USH2A: variants seen among roughly 807,000 people sequenced by gnomAD.
The protein encoded by USH2A is usherin.
Under a neutral mutation model 538.9 loss-of-function variants are expected in USH2A, and 443 were observed. The ratio of observed to expected loss-of-function variants is 0.82; its 90% CI spans 0.76 to 0.89. The LOEUF is 0.89. Ranked by LOEUF, USH2A falls within the 40% of genes least tolerant of loss-of-function variation. The probability of loss-of-function intolerance (pLI) is 0.00; values close to 1 mark genes in which losing one functional copy is unlikely to be tolerated. For missense variants in USH2A, 6,633 were observed against 6,324.8 expected (o/e 1.05, Z -1.65); for synonymous variants, 2,413 against 2,273.5 (o/e 1.06, Z -1.75).
At chr1:215,663,279 G>A (rs1422071521) in intron 64 of USH2A, among the ~76,000 whole-genome samples, 7 of 152,148 alleles carry the variant, frequency 4.6e-5, no homozygotes, top group Non-Finnish European at 1.0e-4. Context: ...ATGGGGGCAT[G>A]GACCTACTAA....
intron 58 of USH2A, 141 bp downstream of exon 58, chr1:215,758,454 G>A: frequency 1.0e-6 from 1 of 1,002,162 alleles, no homozygotes; most frequent in Non-Finnish European, 1.5e-6. Flanking sequence ...TAGAAGTGTG[G>A]TTTAGATTTT....
chr1:216,259,389 A>G (rs2036321841), intron 11 of USH2A, among the ~76,000 whole-genome samples: 1 of 152,152 alleles, frequency 6.6e-6, no homozygotes, highest in East Asian at 1.9e-4. Flanking sequence ...TTGAAATGGA[A>G]TATTTCATCT....
At chr1:215,954,037 T>C (rs1030326665) in intron 37 of USH2A, among the ~76,000 whole-genome samples, 2 of 152,146 alleles carry the variant, frequency 1.3e-5, no homozygotes, top group Admixed American at 6.5e-5. Flanking sequence ...CCAGTTAGGA[T>C]GGCAATCATT....
chr1:216,404,619 T>TC (rs1491461903), intron 3 of USH2A, among the ~76,000 whole-genome samples: 19 of 3,838 alleles, frequency 5.0e-3, no homozygotes, highest in African/African-American at 8.3e-3. Flanking sequence ...AAACATAGGC[T>TC]TTTTTTTTTT....
rs150829385 is a variant in USH2A, at chr1:215,897,583, G to A, written c.7594+2492C>T. On this transcript the variant is annotated intron_variant, in intron 40 of 71. Coordinates refer to ENST00000307340, the MANE Select transcript of USH2A (RefSeq NM_206933.4). ...GGGCATCTGTAATCCCAGCTACTTGGGAGGCTAAGGCAGAAGAATTGCTTG... is the reference window on the plus strand; with the variant it reads ...GGGCATCTGTAATCCCAGCTACTTGAGAGGCTAAGGCAGAAGAATTGCTTG... Among the ~76,000 whole-genome samples, 1,057 of 152,094 alleles carry A rather than the reference G, an allele frequency of 6.9e-3. 6 individuals carry two copies. Among genetic ancestry groups the A allele is most frequent in the African/African-American group, 0.024 (989 of 41,482 alleles).
At chr1:216,409,426 A>G (rs897718870) in intron 3 of USH2A, among the ~76,000 whole-genome samples, 1 of 152,186 alleles carries the variant, frequency 6.6e-6, no homozygotes, top group African/African-American at 2.4e-5. Flanking sequence ...ATAGACAGAG[A>G]ATCCTACACA....
intron 34 of USH2A, among the ~76,000 whole-genome samples, chr1:215,998,040 T>C (rs1469993714): frequency 6.6e-6 from 1 of 152,114 alleles, no homozygotes; most frequent in East Asian, 1.9e-4. Context: ...TTAAGTAAAA[T>C]GAATGCATAC....
At chr1:216,378,064 G>A (rs2102729503) in intron 3 of USH2A, among the ~76,000 whole-genome samples, 1 of 152,148 alleles carries the variant, frequency 6.6e-6, no homozygotes, top group East Asian at 1.9e-4. Flanking sequence ...GCCTCAGAAG[G>A]TGAAGTCCAG....
rs75785327 is a variant in USH2A at position 215,819,767 on chromosome 1, C to T, written c.9372-2572G>A. 2.7e-3 allele frequency among the ~76,000 whole-genome samples: 415 copies of T among 151,806 alleles called. 5 individuals are homozygous for T. The highest frequency in any genetic ancestry group is 0.018 in the South Asian group (87 of 4,826). ...TGTGCAACATAACTGTTAAGTGAGACCGCCTATATTTTCGGCAAGAACATG... is the reference window on the plus strand; with the variant it reads ...TGTGCAACATAACTGTTAAGTGAGATCGCCTATATTTTCGGCAAGAACATG... On this transcript the variant is annotated intron_variant, in intron 47 of 71. Coordinates refer to ENST00000307340, the MANE Select transcript of USH2A (RefSeq NM_206933.4).
intron 4 of USH2A, among the ~76,000 whole-genome samples, chr1:216,362,681 G>C (rs953713426): frequency 2.6e-5 from 4 of 151,752 alleles, no homozygotes; most frequent in Non-Finnish European, 5.9e-5. Flanking sequence ...GGTGGCTCAC[G>C]CCTGTAATCC....
chr1:215,991,757 T>C (rs538590186), intron 35 of USH2A, among the ~76,000 whole-genome samples: 1 of 152,344 alleles, frequency 6.6e-6, no homozygotes, highest in East Asian at 1.9e-4. Flanking sequence ...GCAATTGTAG[T>C]TCTAGTTGTA....
intron 32 of USH2A, among the ~76,000 whole-genome samples, chr1:216,037,353 G>A (rs1452416188): frequency 6.6e-6 from 1 of 152,104 alleles, no homozygotes; most frequent in Non-Finnish European, 1.5e-5. Context: ...ATTAGCAGAT[G>A]TTATTGTTTT....
chr1:215,776,417 G>A (rs1558092934), intron 55 of USH2A, among the ~76,000 whole-genome samples: 1 of 152,162 alleles, frequency 6.6e-6, no homozygotes, highest in South Asian at 2.1e-4. Flanking sequence ...GCAATTTATG[G>A]ATTTCACATG....
chr1:216,012,593 C>T (rs1476263257), intron 32 of USH2A, among the ~76,000 whole-genome samples: 4 of 152,106 alleles, frequency 2.6e-5, no homozygotes, highest in African/African-American at 9.7e-5. Context: ...CCAAATCAGC[C>T]AAGCAGTTTT....
At position 216,293,214 on chromosome 1, in the gene USH2A, C is replaced by T. The variant is rs1484262365; in HGVS notation, c.1645-844G>A. 2.6e-5 allele frequency among the ~76,000 whole-genome samples: 4 copies of T among 151,922 alleles called. No homozygotes were observed. The South Asian group carries it at 6.2e-4, about 24-fold the overall frequency. ...TAATTTTTTGTATTTTTAGTAGAGA[C>T]GGGGTTTCACCCTGTTAGCCAGCAT... On this transcript the variant is annotated intron_variant, in intron 9 of 71. Coordinates refer to ENST00000307340, the MANE Select transcript of USH2A (RefSeq NM_206933.4).
At chr1:216,078,661 A>C (rs1017652903) in intron 26 of USH2A, among the ~76,000 whole-genome samples, 6 of 152,170 alleles carry the variant, frequency 3.9e-5, no homozygotes, top group African/African-American at 1.4e-4. Flanking sequence ...CATAGTTAGA[A>C]GATTAAACCC....
chr1:216,086,923 T>C lies in USH2A; in HGVS notation c.4886-103A>G, dbSNP rs902028296. On this transcript the variant is annotated intron_variant, in intron 23 of 71. Transcript: ENST00000307340. ...CACCAGCCTTTGGGATACCACTCTCTTGGTTTTCCTCTCTCCTCATTGCCT... is the reference window on the plus strand; with the variant it reads ...CACCAGCCTTTGGGATACCACTCTCCTGGTTTTCCTCTCTCCTCATTGCCT... The C allele has an allele frequency of 5.9e-6, 5 of 845,290 alleles. No individual in the cohort carries two copies. The African/African-American group carries it at 6.7e-5, about 11-fold the overall frequency. The allele number at this position is 845,290 out of a possible 1,614,324, so 52.4% of individuals were successfully genotyped here. A position where few individuals can be genotyped will look rare whatever the true frequency, so the allele number is the denominator to read the frequency against.
At chr1:216,407,059 T>C (rs988859768) in intron 3 of USH2A, among the ~76,000 whole-genome samples, 3 of 152,202 alleles carry the variant, frequency 2.0e-5, no homozygotes, top group South Asian at 2.1e-4. Flanking sequence ...CTATGTCACA[T>C]GACTTCCATC....
At chr1:215,801,882 T>C (rs1187589132) in intron 49 of USH2A, among the ~76,000 whole-genome samples, 3 of 152,130 alleles carry the variant, frequency 2.0e-5, no homozygotes, top group African/African-American at 7.2e-5. Context: ...ACTACAAAGT[T>C]ACAGTAATCA....
Sources: allele counts gnomAD v4.1 joint callset (sites outside exome capture counted in the v4.1 genomes callset), GRCh38; gene constraint gnomAD v4.1.1; transcripts MANE v1.5; gene names NCBI Gene and HGNC (gene_info 2026-07-23, HGNC 2026-07-21).